DCDC2C: variants seen among roughly 807,000 people sequenced by gnomAD.
DCDC2C encodes the protein doublecortin domain containing 2C.
In DCDC2C, 44 loss-of-function variants were observed where a neutral mutation model predicts 45.0. The ratio of observed to expected loss-of-function variants is 0.98; its 90% CI spans 0.77 to 1.26. DCDC2C has a LOEUF of 1.26. Ranked by LOEUF, DCDC2C falls within the 50% of genes most tolerant of loss-of-function variation. DCDC2C has a pLI of 0.00. For synonymous variants in DCDC2C, 187 were observed against 178.8 expected, an observed-to-expected ratio of 1.05 and a Z score of -0.37; for missense variants, 447 against 468.9, an observed-to-expected ratio of 0.95 and a Z score of 0.43.
chr2:3,744,940 T>C (rs17017966), intron 4 of DCDC2C, among the ~76,000 whole-genome samples: 7,149 of 152,304 alleles, frequency 0.047, 200 homozygotes, highest in East Asian at 0.1. Context: ...TAGACCTGTG[T>C]ATACTTCTGG....
chr2:3,758,094 A>G (rs1488264006), intron 6 of DCDC2C, among the ~76,000 whole-genome samples: 1 of 152,236 alleles, frequency 6.6e-6, no homozygotes, highest in Non-Finnish European at 1.5e-5. Flanking sequence ...TGGACTGAAA[A>G]GGGAGCAAAA....
intron 4 of DCDC2C, among the ~76,000 whole-genome samples, chr2:3,752,171 T>G (rs1669561495): frequency 6.6e-6 from 1 of 152,234 alleles, no homozygotes; most frequent in Admixed American, 6.5e-5. Context: ...TAGGCTTTTG[T>G]GTGCTTCCTG....
At chr2:3,705,996 G>A (rs919315027) in intron 1 of DCDC2C, among the ~76,000 whole-genome samples, 1 of 152,150 alleles carries the variant, frequency 6.6e-6, no homozygotes, top group Non-Finnish European at 1.5e-5. Context: ...AACATAGAGA[G>A]CACGTGGGGT....
chr2:3,830,754 TC>T (rs1671930167), intron 10 of DCDC2C, among the ~76,000 whole-genome samples: 1 of 152,178 alleles, frequency 6.6e-6, no homozygotes, highest in Admixed American at 6.5e-5. Flanking sequence ...TTGTTTGAAC[TC>T]TGAATACAGA....
At chr2:3,827,356 C>G (rs116693608) in intron 10 of DCDC2C, among the ~76,000 whole-genome samples, 94 of 152,124 alleles carry the variant, frequency 6.2e-4, no homozygotes, top group African/African-American at 2.2e-3. Context: ...GAAGCAGCAG[C>G]CTGGGACCGG....
chr2:3,847,827 GT>G lies in DCDC2C; in HGVS notation c.*647del, dbSNP rs1467935531. 6.6e-6 allele frequency among the ~76,000 whole-genome samples: 1 copy of G among 152,064 alleles called. No individual in the cohort carries two copies. The highest frequency in any genetic ancestry group is 2.4e-5 in the African/African-American group (1 of 41,386). ...GAGTGAGTGCTCCCGAGATCCAGTT[GT>G]TTAAAAGTGTGTAGCACTTCCCCCT... is the stretch of plus-strand genomic sequence containing the variant. On this transcript the variant is annotated 3_prime_UTR_variant, in exon 11 of 11. Coordinates refer to ENST00000399143, the MANE Select transcript of DCDC2C (RefSeq NM_001287444.2).
intron 6 of DCDC2C, among the ~76,000 whole-genome samples, chr2:3,754,860 A>G (rs182473495): frequency 6.6e-6 from 1 of 152,372 alleles, no homozygotes; most frequent in African/African-American, 2.4e-5. Flanking sequence ...TCCAGAGCTA[A>G]GAGACACACA....
chr2:3,735,853 GAT>G (rs992267110), intron 3 of DCDC2C, among the ~76,000 whole-genome samples: 10 of 151,826 alleles, frequency 6.6e-5, no homozygotes, highest in South Asian at 2.1e-4. Flanking sequence ...TGGATCAGCT[GAT>G]ATATGTTTTT....
At chr2:3,752,212 TATTTTTATCTAATGCATTGCCTACCTC>T (rs1307525931) in intron 4 of DCDC2C, among the ~76,000 whole-genome samples, 2 of 152,200 alleles carry the variant, frequency 1.3e-5, no homozygotes, top group Non-Finnish European at 2.9e-5. Flanking sequence ...TTCTTTTGCT[TATTTTTATCTAATGCATTGCCTACCTC>T]ATTGTCTTAT....
chr2:3,713,453 C>T (rs1668272372), intron 2 of DCDC2C, among the ~76,000 whole-genome samples: 1 of 152,160 alleles, frequency 6.6e-6, no homozygotes, highest in African/African-American at 2.4e-5. Flanking sequence ...TGCTGCTCCA[C>T]CTCTTTCTAG....
chr2:3,786,027 G>A (rs989108862), intron 10 of DCDC2C, among the ~76,000 whole-genome samples: 5 of 152,232 alleles, frequency 3.3e-5, no homozygotes, highest in Non-Finnish European at 7.3e-5. Flanking sequence ...GAGAATATGT[G>A]TAAAGTCTGC....
chr2:3,743,626 T>C (rs1180473379), intron 4 of DCDC2C, among the ~76,000 whole-genome samples: 1 of 152,190 alleles, frequency 6.6e-6, no homozygotes, highest in Admixed American at 6.5e-5. Context: ...TTTGGAAATT[T>C]AACAGTGCAT....
At chr2:3,793,969 G>A (rs1007134478) in intron 10 of DCDC2C, among the ~76,000 whole-genome samples, 4 of 152,236 alleles carry the variant, frequency 2.6e-5, no homozygotes, top group African/African-American at 9.6e-5. Context: ...AGACTTTGTT[G>A]ATAATTGTGG....
At chr2:3,840,349 G>A (rs1672182472) in intron 10 of DCDC2C, among the ~76,000 whole-genome samples, 1 of 152,198 alleles carries the variant, frequency 6.6e-6, no homozygotes, top group African/African-American at 2.4e-5. Context: ...ACTGCATGCA[G>A]CTCGCTGCCC....
At chr2:3,741,474 G>T (rs946749050) in intron 3 of DCDC2C, among the ~76,000 whole-genome samples, 5 of 152,132 alleles carry the variant, frequency 3.3e-5, no homozygotes, top group African/African-American at 4.8e-5. Context: ...TGTCACAACT[G>T]TGGGGTTGGA....
chr2:3,725,436 A>ACGAGCAGAGAG (rs1668621116), intron 2 of DCDC2C, among the ~76,000 whole-genome samples: 3 of 103,456 alleles, frequency 2.9e-5, no homozygotes, highest in East Asian at 3.0e-4. Context: ...TGGATCCCAG[A>ACGAGCAGAGAG]GGAAGACGAG....
rs1668711872 is a variant in DCDC2C at position 3,727,152 on chromosome 2, C to G, written c.416+73C>G. 8 of 1,276,946 alleles carry G rather than the reference C, an allele frequency of 6.3e-6. No homozygotes were observed. The South Asian group carries it at 1.0e-4, about 17-fold the overall frequency. The allele number at this position is 1,276,946 out of a possible 1,614,324, so 79.1% of individuals were successfully genotyped here. ...CTAAAAACAATACTTTCTATCCTGA[C>G]AAATGCCCCTCAGCCCCCTTTCTGT... On this transcript the variant is annotated intron_variant, in intron 3 of 10. Coordinates refer to ENST00000399143, the MANE Select transcript of DCDC2C (RefSeq NM_001287444.2).
intron 2 of DCDC2C, among the ~76,000 whole-genome samples, chr2:3,717,181 A>G (rs1184640305): frequency 2.0e-5 from 3 of 151,768 alleles, no homozygotes; most frequent in Non-Finnish European, 4.4e-5. Flanking sequence ...CCCCCACTCC[A>G]TTCTCTCCAT....
chr2:3,806,798 TGGCCCTGC>T (rs1671259655), intron 10 of DCDC2C, among the ~76,000 whole-genome samples: 1 of 152,080 alleles, frequency 6.6e-6, no homozygotes, highest in South Asian at 2.1e-4. Flanking sequence ...CCGCCCACCT[TGGCCCTGC>T]AAAGTGCTGG....
Sources: allele counts gnomAD v4.1 joint callset (sites outside exome capture counted in the v4.1 genomes callset), GRCh38; gene constraint gnomAD v4.1.1; transcripts MANE v1.5; gene names NCBI Gene and HGNC (gene_info 2026-07-23, HGNC 2026-07-21).